JHY: variants seen among roughly 807,000 people sequenced by gnomAD.
JHY encodes the protein junctional cadherin complex regulator, also known as jhy protein homolog.
A neutral mutation model predicts 78.0 loss-of-function variants in JHY; 69 were observed. The ratio of observed to expected loss-of-function variants is 0.88; its 90% confidence interval spans 0.73 to 1.08. The LOEUF (loss-of-function observed/expected upper bound fraction) is 1.08. Ranked by LOEUF, JHY falls within the 50% of genes least tolerant of loss-of-function variation. The probability of loss-of-function intolerance (pLI) is 0.00; values close to 1 mark genes in which losing one functional copy is unlikely to be tolerated. For synonymous variants in JHY, 368 were observed against 342.6 expected (o/e 1.07, Z -0.82); for missense variants, 944 against 927.8 (o/e 1.02, Z -0.23).
rs1285271082 is a variant in JHY, at chr11:122,898,915, T to C, written c.345-5010T>C. On this transcript the variant is annotated intron_variant, in intron 2 of 8. Coordinates refer to ENST00000227349, the MANE Select transcript of JHY (RefSeq NM_024806.4). This position sits in a 1 kb window ranked among gnomAD's most constrained non-coding sequence, Gnocchi z 4.4. ...TTTTGTCCACACAGAATTTGTTCTATGAAAGCACCACATTGTCTCTGCCTC... is the reference window on the plus strand; with the variant it reads ...TTTTGTCCACACAGAATTTGTTCTACGAAAGCACCACATTGTCTCTGCCTC... Among the ~76,000 whole-genome samples the C allele has an allele frequency of 6.6e-6, 1 of 152,230 alleles. No individual in the cohort carries two copies. The highest frequency in any genetic ancestry group is 1.5e-5 in the Non-Finnish European group (1 of 68,048).
intron 4 of JHY, among the ~76,000 whole-genome samples, chr11:122,925,791 G>A (rs935956672): frequency 6.6e-6 from 1 of 152,086 alleles, no homozygotes; most frequent in African/African-American, 2.4e-5. Context: ...GCCGAGGTGG[G>A]TGAATCACAA....
chr11:122,939,093 T>C (rs761864356), intron 5 of JHY, among the ~76,000 whole-genome samples: 22 of 151,860 alleles, frequency 1.4e-4, no homozygotes, highest in Non-Finnish European at 2.6e-4. Flanking sequence ...GTTCAAGCGA[T>C]TCTCCTGCCT....
chr11:122,941,079 C>T (rs376058753), intron 5 of JHY, among the ~76,000 whole-genome samples: 2 of 152,130 alleles, frequency 1.3e-5, no homozygotes, highest in Non-Finnish European at 2.9e-5. Context: ...TCTAGGTTTA[C>T]CTTTGGACTT....
In JHY at chr11:122,885,919, C is replaced by T; in HGVS notation, c.70C>T (p.Gln24Ter). The T allele has an allele frequency of 6.2e-7, 1 of 1,614,084 alleles. No individual in the cohort carries two copies. The highest frequency in any genetic ancestry group is 1.1e-5 in the South Asian group (1 of 91,072). ...TGTCCTTCATACCAACTTAAATGTC[C>T]AGTCCACACACCCACCTTTGAAGAA... ...SPVLHTNLNV[Q>*]STHPPLKKED... The change falls in exon 2 of 9, where the codon CAG (glutamine) becomes TAG (stop). Residue 24 changes from glutamine to a stop codon, truncating the protein, a stop_gained. Transcript: ENST00000227349. LOFTEE classifies it high-confidence loss of function.
chr11:122,905,742 C>A (rs1334583415), intron 3 of JHY: 2 of 243,840 alleles, frequency 8.2e-6, no homozygotes, highest in Non-Finnish European at 1.3e-5. Context: ...TGATGCACAC[C>A]TGTAATCCCA....
At chr11:122,930,845 G>T (rs1477123095) in intron 4 of JHY, among the ~76,000 whole-genome samples, 1 of 152,152 alleles carries the variant, frequency 6.6e-6, no homozygotes, top group East Asian at 1.9e-4. Flanking sequence ...GTCTGTTTGT[G>T]CTGCTATAAC....
chr11:122,930,421 A>G (rs1465094994), intron 4 of JHY, among the ~76,000 whole-genome samples: 1 of 152,216 alleles, frequency 6.6e-6, no homozygotes, highest in Non-Finnish European at 1.5e-5. Context: ...ATTCAAGTGA[A>G]TGTTTTTTTC....
At chr11:122,919,790 C>G (rs927983647) in intron 3 of JHY, among the ~76,000 whole-genome samples, 2 of 152,076 alleles carry the variant, frequency 1.3e-5, no homozygotes, top group Non-Finnish European at 2.9e-5. Context: ...ACCAGCTTGG[C>G]TAACATGGCG....
chr11:122,904,302 C>A lies in JHY; in HGVS notation c.722C>A (p.Pro241Gln). 1 of 1,614,066 alleles carries A rather than the reference C, an allele frequency of 6.2e-7. No homozygotes were observed. The highest frequency in any genetic ancestry group is 8.5e-7 in the Non-Finnish European group (1 of 1,180,014). Residue 241 changes from proline to glutamine, a missense_variant, in exon 3 of 9, where the codon CCG (proline) becomes CAG (glutamine). Physicochemically the swap from Pro to Gln is moderately conservative, Grantham distance 76. Coordinates refer to ENST00000227349, the MANE Select transcript of JHY (RefSeq NM_024806.4). ...AGTTCACATAACGAGGTTTTCCTGC[C>A]GGGATCACGTGGCCCTCGGCGAAGG... is the stretch of plus-strand genomic sequence containing the variant. ...SSSSHNEVFL[P>Q]GSRGPRRRKS...
At chr11:122,940,299 C>T (rs1288165291) in intron 5 of JHY, among the ~76,000 whole-genome samples, 1 of 152,034 alleles carries the variant, frequency 6.6e-6, no homozygotes, top group Non-Finnish European at 1.5e-5. Context: ...GATCCTGCCA[C>T]TGCACTCCAG....
intron 5 of JHY, among the ~76,000 whole-genome samples, chr11:122,939,190 G>C (rs1313051128): frequency 5.3e-5 from 8 of 152,082 alleles, no homozygotes; most frequent in African/African-American, 1.9e-4. Flanking sequence ...GTTTCACCAT[G>C]TTGGCCAGGA....
At chr11:122,946,210 G>A (rs1441856686) in intron 5 of JHY, among the ~76,000 whole-genome samples, 1 of 152,136 alleles carries the variant, frequency 6.6e-6, no homozygotes, top group Non-Finnish European at 1.5e-5. Context: ...ACATTTCTAG[G>A]TATTTTGCAG....
intron 6 of JHY, among the ~76,000 whole-genome samples, chr11:122,953,403 G>A (rs1303266859): frequency 6.6e-6 from 1 of 152,036 alleles, no homozygotes; most frequent in Non-Finnish European, 1.5e-5. Context: ...AGGAGTTCGA[G>A]ACCAGCCTGG....
chr11:122,924,858 G>A, intron 3 of JHY, 39 bp from the exon 4 acceptor site: 3 of 1,516,076 alleles, frequency 2.0e-6, no homozygotes, highest in Non-Finnish European at 1.8e-6. Context: ...AGACTAAAAT[G>A]AATCCAGTTA....
chr11:122,922,835 A>C (rs1227799069), intron 3 of JHY, among the ~76,000 whole-genome samples: 1 of 149,044 alleles, frequency 6.7e-6, no homozygotes, highest in Admixed American at 6.7e-5. Flanking sequence ...AAAAAAAAAA[A>C]ACCAGCAGAG....
intron 7 of JHY, among the ~76,000 whole-genome samples, chr11:122,956,944 A>G (rs1864205615): frequency 6.6e-6 from 1 of 152,100 alleles, no homozygotes; most frequent in South Asian, 2.1e-4. Flanking sequence ...GAGTTTCCCA[A>G]CCCCTGAAAA....
At chr11:122,891,074 C>T (rs1346837816) in intron 2 of JHY, among the ~76,000 whole-genome samples, 2 of 152,104 alleles carry the variant, frequency 1.3e-5, no homozygotes, top group Non-Finnish European at 2.9e-5. Flanking sequence ...CTGAAATAGA[C>T]AAGGAAATTG....
rs752523535 is a variant in JHY at position 122,946,479 on chromosome 11, C to CTT, written c.1635-9_1635-8dup. On this transcript the variant is annotated intron_variant, in intron 5 of 8. Transcript: ENST00000227349. Reference sequence around the variant, plus strand: ...TTGGATTTTATTAATAGATTTGTGCCTTTTTTTTTTTCATTAAGGAAATTC... The same window carrying CTT: ...TTGGATTTTATTAATAGATTTGTGCCTTTTTTTTTTTTTCATTAAGGAAATTC... The CTT allele has an allele frequency of 1.2e-5, 14 of 1,151,466 alleles. No individual in the cohort carries two copies. The highest frequency in any genetic ancestry group is 1.7e-5 in the South Asian group (1 of 58,940). The allele number at this position is 1,151,466 out of a possible 1,614,324, so 71.3% of individuals were successfully genotyped here.
chr11:122,909,506 A>T (rs925718655), intron 3 of JHY, among the ~76,000 whole-genome samples: 1 of 151,688 alleles, frequency 6.6e-6, no homozygotes, highest in African/African-American at 2.4e-5. Context: ...AAGATTAAAT[A>T]AATGAGTTAG....
Sources: allele counts gnomAD v4.1 joint callset (sites outside exome capture counted in the v4.1 genomes callset), GRCh38; gene constraint gnomAD v4.1.1; non-coding constraint Gnocchi (gnomAD v3.1); transcripts MANE v1.5; gene names NCBI Gene and HGNC (gene_info 2026-07-23, HGNC 2026-07-21).